CSRNP3: variants seen among roughly 807,000 people sequenced by gnomAD.
CSRNP3 encodes the protein cysteine and serine rich nuclear protein 3.
Under a neutral mutation model 48.0 loss-of-function variants are expected in CSRNP3, and 12 were observed. The ratio of observed to expected loss-of-function variants is 0.25; its 90% confidence interval spans 0.16 to 0.41. The LOEUF (loss-of-function observed/expected upper bound fraction) is 0.41. CSRNP3 is among the 10% of genes least tolerant of loss of function. The pLI is 1.00. For synonymous variants in CSRNP3, 263 were observed against 269.7 expected (o/e 0.98, Z 0.24); for missense variants, 580 against 724.4 (o/e 0.80, Z 2.29).
chr2:165,623,509 G>A (rs1573926003), intron 4 of CSRNP3, among the ~76,000 whole-genome samples: 1 of 152,244 alleles, frequency 6.6e-6, no homozygotes, highest in South Asian at 2.1e-4. Context: ...AAAAGGTTGG[G>A]GACCACTGAT....
At chr2:165,677,493 T>A (rs565464042) in intron 6 of CSRNP3, among the ~76,000 whole-genome samples, 2 of 150,792 alleles carry the variant, frequency 1.3e-5, no homozygotes, top group African/African-American at 4.9e-5. Flanking sequence ...GCTTTTTCAA[T>A]AAGGAAAGCA....
Position 165,684,057 on chromosome 2 carries a change from T to G in CSRNP3, c.*4304T>G, listed in dbSNP as rs1432396540. ...ACCAGCAAACTCCTATCAGACAGTT[T>G]CAAGGAGGATTTGACTCATGCATAA... On this transcript the variant is annotated 3_prime_UTR_variant, in exon 7 of 7. Transcript: ENST00000651982. 1 of 152,126 alleles carries G rather than the reference T, an allele frequency of 6.6e-6. No homozygotes were observed. Among genetic ancestry groups the G allele is most frequent in the Non-Finnish European group, 1.5e-5 (1 of 67,996 alleles). The allele number at this position is 152,126 out of a possible 1,614,324, so 9.4% of individuals were successfully genotyped here.
At chr2:165,594,318 G>C (rs1235216989) in intron 3 of CSRNP3, among the ~76,000 whole-genome samples, 1 of 152,164 alleles carries the variant, frequency 6.6e-6, no homozygotes, top group Non-Finnish European at 1.5e-5. Context: ...TTACTTGACT[G>C]TGCCAGTTCA....
intron 3 of CSRNP3, among the ~76,000 whole-genome samples, chr2:165,549,913 G>C (rs1174213575): frequency 2.6e-5 from 4 of 152,140 alleles, no homozygotes; most frequent in Admixed American, 6.6e-5. Flanking sequence ...ACAGATATCA[G>C]TTCAGTCCTT....
chr2:165,646,745 C>A (rs1007889726), intron 4 of CSRNP3, among the ~76,000 whole-genome samples: 2 of 151,968 alleles, frequency 1.3e-5, no homozygotes, highest in African/African-American at 4.8e-5. Context: ...TCTTTGACAT[C>A]AGGAGAATTG....
At chr2:165,609,348 A>G (rs1214060844) in intron 4 of CSRNP3, among the ~76,000 whole-genome samples, 2 of 150,068 alleles carry the variant, frequency 1.3e-5, no homozygotes, top group Non-Finnish European at 3.0e-5. Flanking sequence ...AGTCCCAGCT[A>G]CTCGGGAGGC....
Position 165,679,286 on chromosome 2 carries a change from A to G in CSRNP3, c.1291A>G (p.Asn431Asp). 6.2e-7 allele frequency: 1 copy of G among 1,613,888 alleles called. No homozygotes were observed. Among genetic ancestry groups the G allele is most frequent in the Non-Finnish European group, 8.5e-7 (1 of 1,179,938 alleles). Residue 431 changes from asparagine to aspartate, a missense_variant, in exon 7 of 7, where the codon AAC becomes GAC. Physicochemically the swap from Asn to Asp is conservative, Grantham distance 23. Transcript: ENST00000651982. ...TGCAAAGAATGCTTCTTTTTATGCC[A>G]ACTCTTCAACTCTGTATTACCAAAT... The part of the protein sequence containing the change: ...SHAKNASFYA[N>D]SSTLYYQIDS...
intron 3 of CSRNP3, among the ~76,000 whole-genome samples, chr2:165,529,484 A>C (rs1290083721): frequency 6.6e-6 from 1 of 152,100 alleles, no homozygotes; most frequent in Non-Finnish European, 1.5e-5. Context: ...CATGATTGTG[A>C]GGCCTCTCCA....
At chr2:165,591,923 T>C (rs1353560336) in intron 3 of CSRNP3, among the ~76,000 whole-genome samples, 2 of 151,948 alleles carry the variant, frequency 1.3e-5, no homozygotes, top group Non-Finnish European at 2.9e-5. Flanking sequence ...GGGCACTGCC[T>C]AGTGGAACTG....
chr2:165,497,535 G>A (rs1210586075), intron 2 of CSRNP3, among the ~76,000 whole-genome samples: 1 of 152,074 alleles, frequency 6.6e-6, no homozygotes, highest in Non-Finnish European at 1.5e-5. Flanking sequence ...ATTTTATAAA[G>A]TTGGGCAAAT....
At chr2:165,514,434 A>C (rs1351580587) in intron 2 of CSRNP3, among the ~76,000 whole-genome samples, 1 of 152,244 alleles carries the variant, frequency 6.6e-6, no homozygotes, top group Non-Finnish European at 1.5e-5. Context: ...GGTACATTAC[A>C]TCCCCGGATG....
At chr2:165,497,559 C>A (rs758514167) in intron 2 of CSRNP3, among the ~76,000 whole-genome samples, 3 of 151,972 alleles carry the variant, frequency 2.0e-5, no homozygotes, top group Non-Finnish European at 4.4e-5. Context: ...AGAAGAAAAC[C>A]CATGTTAGTG....
At chr2:165,607,342 C>T (rs949575467) in intron 4 of CSRNP3, among the ~76,000 whole-genome samples, 11 of 152,146 alleles carry the variant, frequency 7.2e-5, no homozygotes, top group Non-Finnish European at 2.9e-5. Context: ...TCAATTAGAA[C>T]TAAATTTTAA....
At chr2:165,484,184 G>A (rs1463336017) in intron 1 of CSRNP3, among the ~76,000 whole-genome samples, 1 of 151,984 alleles carries the variant, frequency 6.6e-6, no homozygotes, top group South Asian at 2.1e-4. Flanking sequence ...CCACCTCCCA[G>A]GTTCAAGCAA....
chr2:165,646,288 A>G (rs983556893), intron 4 of CSRNP3, among the ~76,000 whole-genome samples: 1 of 152,104 alleles, frequency 6.6e-6, no homozygotes, highest in South Asian at 2.1e-4. Context: ...ATAATTTCTA[A>G]GAGATTTTAG....
At position 165,568,966 on chromosome 2, in the gene CSRNP3, A is replaced by C. The variant is rs555333926; in HGVS notation, c.-23-26077A>C. Among the ~76,000 whole-genome samples the C allele has an allele frequency of 2.6e-5, 4 of 152,220 alleles. No individual in the cohort carries two copies. The East Asian group carries it at 7.7e-4, about 29-fold the overall frequency. ...ACATAAAATACATATTCACACAATA[A>C]AATATGCAAACTTTTGAAAAAGTAC... On this transcript the variant is annotated intron_variant, in intron 3 of 6. Transcript: ENST00000651982.
In CSRNP3 at chr2:165,665,945, A is replaced by C. The variant is rs1290066852; in HGVS notation, c.408+7925A>C. ...AGGAAGAAAGAAAGAGAGAGGAAGG[A>C]AGGAAGGACGGAAGGAAAGAGAGAG... On this transcript the variant is annotated intron_variant, in intron 5 of 6. Coordinates refer to ENST00000651982, the MANE Select transcript of CSRNP3 (RefSeq NM_001172173.2). 5.5e-5 allele frequency among the ~76,000 whole-genome samples: 8 copies of C among 144,338 alleles called. 1 individual carries two copies. The highest frequency in any genetic ancestry group is 1.8e-4 in the African/African-American group (7 of 38,944). 94.7% of individuals were successfully genotyped at this position (144,338 alleles called of 152,430 possible). A position where few individuals can be genotyped will look rare whatever the true frequency, so the allele number is the denominator to read the frequency against.
rs1349928185 is a variant in CSRNP3 at position 165,508,944 on chromosome 2, T to C, written c.-112-8929T>C. Among the ~76,000 whole-genome samples the C allele has an allele frequency of 2.6e-5, 4 of 152,350 alleles. No individual in the cohort carries two copies. In the East Asian group the frequency reaches 5.8e-4, roughly 22 times the overall value. ...TTTAAAAAATATCCTTATAGACTTA[T>C]ACTTCACCTTTTATGAGACAGACAT... On this transcript the variant is annotated intron_variant, in intron 2 of 6. Transcript: ENST00000651982.
chr2:165,567,199 G>A (rs1241085872), intron 3 of CSRNP3, among the ~76,000 whole-genome samples: 1 of 151,928 alleles, frequency 6.6e-6, no homozygotes, highest in Non-Finnish European at 1.5e-5. Flanking sequence ...TTTGTCACAG[G>A]TTAGACATCT....
Sources: gnomAD v4.1 joint callset for allele counts (sites outside exome capture counted in the v4.1 genomes callset) on GRCh38, gnomAD v4.1.1 for gene constraint, MANE v1.5 for transcripts, NCBI Gene and HGNC (gene_info 2026-07-23, HGNC 2026-07-21) for gene names.